XPO5: variants seen among roughly 807,000 people sequenced by gnomAD.
XPO5 encodes exportin 5.
A neutral mutation model predicts 160.6 loss-of-function variants in XPO5; 46 were observed. The observed-to-expected ratio is 0.29, with a 90% CI of 0.23 to 0.37. The LOEUF is 0.37. Among genes scored for constraint, XPO5 ranks in the 10% least tolerant of loss-of-function variants. The pLI is 1.00. For missense variants in XPO5, 1,090 were observed against 1,463.9 expected (o/e 0.74, Z 4.17); for synonymous variants, 537 against 519.3 (o/e 1.03, Z -0.46).
At chr6:43,526,629 G>GGA in intron 27 of XPO5, 56 bp downstream of exon 27, 1 of 1,597,256 alleles carries the variant, frequency 6.3e-7, no homozygotes, top group Non-Finnish European at 8.6e-7. Context: ...TGGTTCAGAA[G>GGA]GAACAGTATT....
intron 3 of XPO5, among the ~76,000 whole-genome samples, chr6:43,571,764 T>C (rs570343451): frequency 1.8e-4 from 27 of 151,484 alleles, no homozygotes; most frequent in Non-Finnish European, 3.8e-4. Context: ...GCTATGATCA[T>C]GCTAATGCAA....
intron 13 of XPO5, chr6:43,555,244 T>C (rs1286230005): frequency 6.6e-6 from 1 of 152,166 alleles, no homozygotes; most frequent in Non-Finnish European, 1.5e-5. Context: ...ATCCAGCCTT[T>C]TTGCTTTATT....
intron 20 of XPO5, among the ~76,000 whole-genome samples, chr6:43,545,591 C>T (rs1794924510): frequency 6.6e-6 from 1 of 152,060 alleles, no homozygotes; most frequent in South Asian, 2.1e-4. Flanking sequence ...CCTGTAGTCC[C>T]AGCTACTTGG....
chr6:43,555,496 G>C (rs1309004205), intron 13 of XPO5: 1 of 180,818 alleles, frequency 5.5e-6, no homozygotes, highest in Non-Finnish European at 1.2e-5. Context: ...TGGCTGAAAA[G>C]TTTTAAAGTT....
At chr6:43,535,152 C>T (rs1794237621) in intron 20 of XPO5, among the ~76,000 whole-genome samples, 2 of 150,536 alleles carry the variant, frequency 1.3e-5, no homozygotes, top group East Asian at 3.9e-4. Flanking sequence ...ATTAGCCGGA[C>T]GTGGTGGTGG....
In XPO5 at chr6:43,562,313, G is replaced by C. The variant is rs770078276; in HGVS notation, c.945C>G (p.His315Gln). 39 of 1,609,466 alleles carry C rather than the reference G, an allele frequency of 2.4e-5. No homozygotes were observed. Among genetic ancestry groups the C allele is most frequent in the Non-Finnish European group, 2.5e-5 (30 of 1,178,154 alleles). The change falls in exon 9 of 32, where the codon CAC becomes CAG. Residue 315 changes from histidine (H) to glutamine (Q), a missense_variant. Around this residue, in one of 3 missense-constraint regions of XPO5, gnomAD observed 810 missense variants for 1,139.0 expected, o/e 0.71. Coordinates refer to ENST00000265351, the MANE Select transcript of XPO5 (RefSeq NM_020750.3). ...GACAGAGCCTCTTCAGAAAGACGTAGTGTTTTTCTACCAAACCTCCTCCAT... is the reference window on the plus strand; with the variant it reads ...GACAGAGCCTCTTCAGAAAGACGTACTGTTTTTCTACCAAACCTCCTCCAT... ...TADGGGLVEK[H>Q]YVFLKRLCQV...
At position 43,522,544 on chromosome 6, in the gene XPO5, A is replaced by C. The variant is rs1162311822; in HGVS notation, c.*1324T>G. The C allele has an allele frequency of 1.1e-5, 3 of 264,594 alleles. No individual in the cohort carries two copies. The highest frequency in any genetic ancestry group is 6.7e-5 in the African/African-American group (3 of 44,476). 16.4% of individuals were successfully genotyped at this position (264,594 alleles called of 1,614,324 possible). On this transcript the variant is annotated 3_prime_UTR_variant, in exon 32 of 32. Coordinates refer to ENST00000265351, the MANE Select transcript of XPO5 (RefSeq NM_020750.3). Reference sequence around the variant, plus strand: ...AGGTTTGGAGGGAAACACTCTTGAGATCGCCTTCACGATCCACAGAAACCC... The same window carrying C: ...AGGTTTGGAGGGAAACACTCTTGAGCTCGCCTTCACGATCCACAGAAACCC...
rs1440442846 is a variant in XPO5 at position 43,568,706 on chromosome 6, C to T, written c.648+5G>A. ...TCTCCTTCAAACTTTATAAAGAGCT[C>T]TTACCTTTGACTCCTGAGAAGTATC... On this transcript the variant is annotated splice_donor_5th_base_variant and intron_variant, in intron 6 of 31. Coordinates refer to ENST00000265351, the MANE Select transcript of XPO5 (RefSeq NM_020750.3). The T allele has an allele frequency of 1.3e-6, 2 of 1,578,572 alleles. No individual in the cohort carries two copies. The highest frequency in any genetic ancestry group is 1.7e-6 in the Non-Finnish European group (2 of 1,161,168).
Position 43,524,650 on chromosome 6 carries a change from G to C in XPO5, c.3313-15C>G, listed in dbSNP as rs1793433772. 2 of 1,611,646 alleles carry C rather than the reference G, an allele frequency of 1.2e-6. No individual in the cohort carries two copies. Among genetic ancestry groups the C allele is most frequent in the Non-Finnish European group, 1.7e-6 (2 of 1,178,480 alleles). On this transcript the variant is annotated splice_polypyrimidine_tract_variant and intron_variant, in intron 30 of 31. Transcript: ENST00000265351. ...TACCTGGGGCGCTGATATCAGCAGGGATAAACTTACTGGATGTAGGTTTGG... is the reference window on the plus strand; with the variant it reads ...TACCTGGGGCGCTGATATCAGCAGGCATAAACTTACTGGATGTAGGTTTGG...
intron 17 of XPO5, among the ~76,000 whole-genome samples, chr6:43,548,718 T>TTATATATA (rs1369068000): frequency 6.7e-6 from 1 of 150,026 alleles, no homozygotes; most frequent in South Asian, 2.1e-4. Flanking sequence ...TCAGCTTGTT[T>TTATATATA]TATATATATA....
chr6:43,564,820 G>T (rs536355892), intron 8 of XPO5, among the ~76,000 whole-genome samples: 1 of 151,988 alleles, frequency 6.6e-6, no homozygotes, highest in South Asian at 2.1e-4. Flanking sequence ...GCTCAGGTTG[G>T]TCTCAAACTC....
intron 3 of XPO5, among the ~76,000 whole-genome samples, chr6:43,571,292 A>G (rs1762993693): frequency 6.6e-6 from 1 of 152,186 alleles, no homozygotes; most frequent in Non-Finnish European, 1.5e-5. Context: ...CAGTTTGCAG[A>G]AGGCCAGGGA....
intron 20 of XPO5, chr6:43,538,825 T>C (rs571279034): frequency 2.7e-4 from 298 of 1,117,314 alleles, no homozygotes; most frequent in Non-Finnish European, 3.3e-4. Flanking sequence ...AAAAACCCTA[T>C]GTTGTAGCCA....
chr6:43,558,904 A>T (rs1035151332), intron 11 of XPO5: 2 of 239,884 alleles, frequency 8.3e-6, no homozygotes, highest in Non-Finnish European at 1.6e-5. Flanking sequence ...GGAAGAAAGA[A>T]CTGAGAGCTA....
intron 12 of XPO5, among the ~76,000 whole-genome samples, chr6:43,557,098 A>G (rs568956810): frequency 1.3e-4 from 19 of 148,092 alleles, no homozygotes; most frequent in African/African-American, 3.9e-4. Flanking sequence ...ATTGCACTCC[A>G]GCCTGGGCGA....
At chr6:43,541,004 A>G (rs1794662836) in intron 20 of XPO5, among the ~76,000 whole-genome samples, 1 of 152,196 alleles carries the variant, frequency 6.6e-6, no homozygotes, top group African/African-American at 2.4e-5. Flanking sequence ...CCAGGCACAG[A>G]AAGACACATC....
At chr6:43,566,598 C>T in intron 7 of XPO5, 2 of 409,802 alleles carry the variant, frequency 4.9e-6, no homozygotes, top group South Asian at 1.8e-5. Context: ...CACTTGAGCT[C>T]AGGAGTTCGA....
intron 27 of XPO5, chr6:43,526,296 G>C (rs1035114037): frequency 8.3e-6 from 3 of 362,062 alleles, no homozygotes; most frequent in African/African-American, 6.1e-5. Flanking sequence ...AGATAGGTAA[G>C]AAAGGAATAC....
chr6:43,525,156 A>T lies in XPO5; in HGVS notation c.3125T>A (p.Leu1042Gln). Residue 1042 changes from leucine (L) to glutamine (Q), a missense_variant, in exon 29 of 32, where the codon CTG becomes CAG. Transcript: ENST00000265351. Reference sequence around the variant, plus strand: ...CTGTGAGGTTGTCCTCTGGCAGGACAGAGTATCTTTCCAGGCCAGGGAATT... The same window carrying T: ...CTGTGAGGTTGTCCTCTGGCAGGACTGAGTATCTTTCCAGGCCAGGGAATT... ...AFNSLAWKDT[L>Q]SCQRTTSQLC... 1 of 1,585,012 alleles carries T rather than the reference A, an allele frequency of 6.3e-7. No homozygotes were observed. Among genetic ancestry groups the T allele is most frequent in the Non-Finnish European group, 8.6e-7 (1 of 1,164,866 alleles).
Sources: allele counts gnomAD v4.1 joint callset (sites outside exome capture counted in the v4.1 genomes callset), GRCh38; gene constraint gnomAD v4.1.1; regional missense constraint gnomAD v4.1.1; transcripts MANE v1.5; gene names NCBI Gene and HGNC (gene_info 2026-07-23, HGNC 2026-07-21).